VPS37A: variants seen among roughly 807,000 people sequenced by gnomAD.
The protein encoded by VPS37A is VPS37A subunit of ESCRT-I.
In VPS37A, 30 loss-of-function variants were observed where a neutral mutation model predicts 49.8. The ratio of observed to expected loss-of-function variants is 0.60; its 90% CI spans 0.45 to 0.82. The LOEUF (loss-of-function observed/expected upper bound fraction) is 0.82, where lower values mean the gene tolerates loss of function less well. Among genes scored for constraint, VPS37A ranks in the 40% least tolerant of loss-of-function variants. The pLI is 0.00. For missense variants in VPS37A, 593 were observed against 464.4 expected (o/e 1.28, Z -2.55); for synonymous variants, 195 against 160.6 (o/e 1.21, Z -1.62).
At position 17,264,555 on chromosome 8, in the gene VPS37A, T is replaced by C. The variant is rs1204970542; in HGVS notation, c.126-1352T>C. 2.6e-5 allele frequency among the ~76,000 whole-genome samples: 4 copies of C among 152,234 alleles called. No homozygotes were observed. In the East Asian group the frequency reaches 7.7e-4, roughly 29 times the overall value. The stretch of plus-strand genomic sequence containing the variant: ...AAAGCTTATCTACATCTACAGTTTT[T>C]CTGTAACTCCATCCCAACACTTTTG... On this transcript the variant is annotated intron_variant, in intron 1 of 11. Transcript: ENST00000324849.
Position 17,247,046 on chromosome 8 carries a change from C to T in VPS37A, c.-199C>T. 2.9e-6 allele frequency: 2 copies of T among 692,024 alleles called. No homozygotes were observed. The highest frequency in any genetic ancestry group is 1.9e-5 in the South Asian group (1 of 52,662). 42.9% of individuals were successfully genotyped at this position (692,024 alleles called of 1,614,324 possible). A position where few individuals can be genotyped will look rare whatever the true frequency, so the allele number is the denominator to read the frequency against. ...TGTTCCGGGCCGCAAGTTTCCCTCT[C>T]CAGCCGCCCGCCGTTCGTAGCATGT... On this transcript the variant is annotated 5_prime_UTR_variant, in exon 1 of 12. Transcript: ENST00000324849.
At chr8:17,252,092 A>G (rs1812035076) in intron 1 of VPS37A, among the ~76,000 whole-genome samples, 1 of 152,208 alleles carries the variant, frequency 6.6e-6, no homozygotes, top group African/African-American at 2.4e-5. Flanking sequence ...AACCCGTCGC[A>G]TGTTATATAT....
At chr8:17,248,487 G>T (rs1303555757) in intron 1 of VPS37A, 1 of 413,052 alleles carries the variant, frequency 2.4e-6, no homozygotes, top group African/African-American at 2.0e-5. Context: ...CATTGGTCAG[G>T]CTGGTCTCGA....
At chr8:17,316,813 T>C in the VPS37A span, among the ~76,000 whole-genome samples, 34 of 152,208 alleles carry the variant, frequency 2.2e-4, no homozygotes, top group Admixed American at 9.8e-4. Flanking sequence ...AAATACACCA[T>C]GTTATTATGT....
At chr8:17,328,019 A>G in the VPS37A span, among the ~76,000 whole-genome samples, 1 of 152,238 alleles carries the variant, frequency 6.6e-6, no homozygotes, top group Admixed American at 6.5e-5. Flanking sequence ...TAGTTTAATG[A>G]ATACATTGAT....
At chr8:17,267,338 T>C (rs1480895798) in intron 2 of VPS37A, among the ~76,000 whole-genome samples, 1 of 152,152 alleles carries the variant, frequency 6.6e-6, no homozygotes. Flanking sequence ...AAAGAGACAA[T>C]TCAAAGTAAA....
chr8:17,287,534 C>T (rs973225580), intron 11 of VPS37A, among the ~76,000 whole-genome samples: 9 of 151,976 alleles, frequency 5.9e-5, no homozygotes, highest in Admixed American at 2.0e-4. Flanking sequence ...AAATATTAGC[C>T]GGGCATGGTG....
chr8:17,289,641 GC>G (rs1815953623), intron 11 of VPS37A, among the ~76,000 whole-genome samples: 2 of 152,096 alleles, frequency 1.3e-5, no homozygotes, highest in Admixed American at 6.5e-5. Flanking sequence ...CATGATGCCT[GC>G]CGCCAGCTTT....
chr8:17,310,353 C>T, the VPS37A span, among the ~76,000 whole-genome samples: 1 of 152,070 alleles, frequency 6.6e-6, no homozygotes, highest in Non-Finnish European at 1.5e-5. Context: ...ATCAATATCC[C>T]CAATGCTTTA....
chr8:17,254,382 T>G (rs1171816205), intron 1 of VPS37A, among the ~76,000 whole-genome samples: 1 of 152,178 alleles, frequency 6.6e-6, no homozygotes, highest in Non-Finnish European at 1.5e-5. Flanking sequence ...ATATTACTGC[T>G]ATTTACCAGC....
chr8:17,322,950 C>CTTTTTTTTTTT, the VPS37A span, among the ~76,000 whole-genome samples: 25 of 125,762 alleles, frequency 2.0e-4, 2 homozygotes, highest in East Asian at 9.9e-4. Flanking sequence ...ATTGAATTAT[C>CTTTTTTTTTTT]TTTTTTTTTT....
intron 1 of VPS37A, among the ~76,000 whole-genome samples, chr8:17,263,927 C>T (rs1014206440): frequency 2.0e-5 from 3 of 152,062 alleles, no homozygotes; most frequent in Non-Finnish European, 4.4e-5. Flanking sequence ...GGCAACAGAG[C>T]GAAACTCCGT....
At chr8:17,258,509 AT>A (rs1384890536) in intron 1 of VPS37A, among the ~76,000 whole-genome samples, 6 of 152,068 alleles carry the variant, frequency 3.9e-5, no homozygotes, top group African/African-American at 1.2e-4. Flanking sequence ...ATGGTGAATG[AT>A]CTTTTTTAAT....
intron 1 of VPS37A, among the ~76,000 whole-genome samples, chr8:17,263,030 C>T (rs112904814): frequency 3.4e-5 from 5 of 147,530 alleles, no homozygotes; most frequent in Non-Finnish European, 7.4e-5. Context: ...CATTGCACTC[C>T]AGCCTGATGA....
At chr8:17,282,254 G>T (rs1391008383) in intron 9 of VPS37A, among the ~76,000 whole-genome samples, 3 of 152,014 alleles carry the variant, frequency 2.0e-5, no homozygotes, top group African/African-American at 7.2e-5. Context: ...TGAATAATCA[G>T]TTGGAAAAAA....
In VPS37A at chr8:17,279,995, T is replaced by C. The variant is rs1204585974; in HGVS notation, c.714-33T>C. ...TCATGGAGAAAAACTCGATGTCTGA[T>C]ATTTATTGACATTTTTTCTTTTGTG... On this transcript the variant is annotated intron_variant, in intron 6 of 11. Transcript: ENST00000324849. 1.9e-6 allele frequency: 3 copies of C among 1,607,574 alleles called. No homozygotes were observed. The African/African-American group carries it at 4.0e-5, about 22-fold the overall frequency.
intron 5 of VPS37A, among the ~76,000 whole-genome samples, chr8:17,275,999 C>T (rs972260704): frequency 1.1e-4 from 16 of 152,154 alleles, no homozygotes; most frequent in Non-Finnish European, 1.9e-4. Flanking sequence ...CTCATCTACC[C>T]TACCGTCTCA....
At chr8:17,276,490 G>T in intron 6 of VPS37A, 23 bp downstream of exon 6, 3 of 1,591,088 alleles carry the variant, frequency 1.9e-6, no homozygotes, top group East Asian at 2.3e-5. Flanking sequence ...AGTAAAGTTG[G>T]TCACATTGTC....
At chr8:17,321,849 A>C in the VPS37A span, among the ~76,000 whole-genome samples, 1 of 152,268 alleles carries the variant, frequency 6.6e-6, no homozygotes, top group Non-Finnish European at 1.5e-5. Context: ...AAACATATAT[A>C]AACTACAGTA....
Sources: gnomAD v4.1 joint callset for allele counts (sites outside exome capture counted in the v4.1 genomes callset) on GRCh38, gnomAD v4.1.1 for gene constraint, MANE v1.5 for transcripts, NCBI Gene and HGNC (gene_info 2026-07-23, HGNC 2026-07-21) for gene names.